TTLL7: variants seen among roughly 807,000 people sequenced by gnomAD.
The protein encoded by TTLL7 is tubulin polyglutamylase TTLL7.
A neutral mutation model predicts 120.2 loss-of-function variants in TTLL7; 53 were observed. The observed-to-expected ratio is 0.44, with a 90% confidence interval of 0.35 to 0.55. The LOEUF (loss-of-function observed/expected upper bound fraction) is 0.55, where lower values mean the gene tolerates loss of function less well. Among genes scored for constraint, TTLL7 ranks in the 20% least tolerant of loss-of-function variants. The probability of loss-of-function intolerance (pLI) is 0.00; values close to 1 mark genes in which losing one functional copy is unlikely to be tolerated. For missense variants in TTLL7, 803 were observed against 1,054.7 expected, an observed-to-expected ratio of 0.76 and a Z score of 3.31; for synonymous variants, 353 against 351.7, an observed-to-expected ratio of 1.00 and a Z score of -0.04.
intron 13 of TTLL7, among the ~76,000 whole-genome samples, chr1:83,919,459 A>T (rs1039147619): frequency 6.6e-6 from 1 of 152,192 alleles, no homozygotes; most frequent in Non-Finnish European, 1.5e-5. Context: ...ATACGTTATT[A>T]TAATATATTG....
chr1:83,947,150 T>C lies in TTLL7; in HGVS notation c.480A>G (p.Lys160=), dbSNP rs756174145. 1.2e-6 allele frequency: 2 copies of C among 1,612,568 alleles called. No homozygotes were observed. The highest frequency in any genetic ancestry group is 2.7e-5 in the African/African-American group (2 of 74,830). The change falls in exon 6 of 21, where the codon AAA becomes AAG. Residue 160 remains lysine (K), a synonymous_variant. Coordinates refer to ENST00000260505, the MANE Select transcript of TTLL7 (RefSeq NM_024686.6). ...KKRKQKTFIV[K]PANGAMGHGI... is the part of the protein sequence containing the mutation. ...CATGACCCATTGCACCATTAGCTGG[T>C]TTCACTATAAAAGTTTTCTGCTTCC...
chr1:83,876,212 T>C (rs938548742), intron 20 of TTLL7, among the ~76,000 whole-genome samples: 2 of 151,932 alleles, frequency 1.3e-5, no homozygotes, highest in African/African-American at 4.8e-5. Context: ...ACACCACTTT[T>C]GTCATAAATC....
chr1:83,936,627 T>C (rs987011143), intron 8 of TTLL7, among the ~76,000 whole-genome samples: 2 of 152,216 alleles, frequency 1.3e-5, no homozygotes, highest in Non-Finnish European at 2.9e-5. Flanking sequence ...ATTTCTCATT[T>C]ACATGCATTC....
intron 20 of TTLL7, among the ~76,000 whole-genome samples, chr1:83,878,546 C>G (rs549492046): frequency 6.6e-6 from 1 of 152,064 alleles, no homozygotes; most frequent in African/African-American, 2.4e-5. Context: ...GTCAAAAGCA[C>G]TGCTCAGCAC....
chr1:83,974,879 T>A (rs1651319420), intron 1 of TTLL7, among the ~76,000 whole-genome samples: 1 of 152,082 alleles, frequency 6.6e-6, no homozygotes, highest in South Asian at 2.1e-4. Flanking sequence ...ACAATCTCTA[T>A]TCTGGAGGCC....
At chr1:83,902,365 C>T (rs958388170) in intron 18 of TTLL7, 60 of 151,876 alleles carry the variant, frequency 4.0e-4, no homozygotes, top group African/African-American at 1.3e-3. Flanking sequence ...TGGTGTTTTG[C>T]TTTCCACTTT....
At chr1:83,895,228 T>TAA (rs1286730268) in intron 18 of TTLL7, among the ~76,000 whole-genome samples, 1 of 152,086 alleles carries the variant, frequency 6.6e-6, no homozygotes, top group Non-Finnish European at 1.5e-5. Context: ...ATCTTGATAA[T>TAA]AAAGTTACCA....
At chr1:83,947,071 C>A in intron 6 of TTLL7, 53 bp downstream of exon 6, 1 of 1,455,598 alleles carries the variant, frequency 6.9e-7, no homozygotes, top group Non-Finnish European at 9.2e-7. Context: ...TTTATTCTCC[C>A]CACTCCCAAA....
intron 20 of TTLL7, among the ~76,000 whole-genome samples, chr1:83,878,871 C>G (rs1015379561): frequency 1.3e-5 from 2 of 151,856 alleles, no homozygotes; most frequent in African/African-American, 4.8e-5. Flanking sequence ...GTGATAGATG[C>G]CATATACTCT....
At chr1:83,995,226 T>C (rs1653375088) in intron 1 of TTLL7, among the ~76,000 whole-genome samples, 2 of 151,970 alleles carry the variant, frequency 1.3e-5, no homozygotes, top group African/African-American at 4.8e-5. Context: ...ATAATCAACA[T>C]GTAAGTATTC....
chr1:83,990,224 G>A lies in TTLL7; in HGVS notation c.-177+8707C>T, dbSNP rs1173872230. On this transcript the variant is annotated intron_variant, in intron 1 of 20. Transcript: ENST00000260505. ...CGCTCTGTCGCCCAGGCCGGACTGCGGACTGCAGTGGCGCAATCTCGGCTC... is the reference window on the plus strand; with the variant it reads ...CGCTCTGTCGCCCAGGCCGGACTGCAGACTGCAGTGGCGCAATCTCGGCTC... 2.7e-5 allele frequency among the ~76,000 whole-genome samples: 4 copies of A among 145,586 alleles called. No homozygotes were observed. In the Admixed American group the frequency reaches 2.8e-4, roughly 10 times the overall value.
intron 1 of TTLL7, chr1:83,980,284 AT>A (rs1651836488): frequency 6.6e-6 from 1 of 152,138 alleles, no homozygotes; most frequent in African/African-American, 2.4e-5. Context: ...TGAGACAGGC[AT>A]TTGGAGCCAC....
intron 1 of TTLL7, among the ~76,000 whole-genome samples, chr1:83,995,574 C>T (rs1434265568): frequency 6.6e-6 from 1 of 152,134 alleles, no homozygotes. Context: ...GCTTCCAGTA[C>T]AGCCTGCAGA....
intron 14 of TTLL7, among the ~76,000 whole-genome samples, chr1:83,915,038 A>G (rs1035451833): frequency 6.6e-6 from 1 of 152,218 alleles, no homozygotes; most frequent in Non-Finnish European, 1.5e-5. Flanking sequence ...AGCAGGAGAA[A>G]GAAAGAAGGG....
intron 3 of TTLL7, among the ~76,000 whole-genome samples, chr1:83,950,580 T>C (rs1648950191): frequency 6.6e-6 from 1 of 152,222 alleles, no homozygotes. Context: ...GTTTCCTTTT[T>C]AGTACAAACT....
intron 20 of TTLL7, among the ~76,000 whole-genome samples, chr1:83,879,733 T>C (rs912959777): frequency 2.0e-5 from 3 of 152,098 alleles, no homozygotes; most frequent in Admixed American, 2.0e-4. Context: ...TGGGCAGGAA[T>C]GAAAATGTAT....
intron 14 of TTLL7, among the ~76,000 whole-genome samples, chr1:83,913,429 A>G (rs1394711577): frequency 6.6e-6 from 1 of 152,136 alleles, no homozygotes; most frequent in East Asian, 1.9e-4. Flanking sequence ...TAGATTCTCA[A>G]ATTGGTGGAA....
chr1:83,947,781 A>G (rs117966374), intron 5 of TTLL7, among the ~76,000 whole-genome samples: 5 of 152,130 alleles, frequency 3.3e-5, no homozygotes, highest in Admixed American at 3.3e-4. Flanking sequence ...TTTACAAATT[A>G]TCACACATAG....
Position 83,891,047 on chromosome 1 carries a change from A to AT in TTLL7, c.2209-567dup, listed in dbSNP as rs200749284. ...ATCTTAGTGGAAAGCATAGGTGAGTATTTTTTGGACCATGGGCTAGAAAAA... is the reference window on the plus strand; with the variant it reads ...ATCTTAGTGGAAAGCATAGGTGAGTATTTTTTTGGACCATGGGCTAGAAAAA... On this transcript the variant is annotated intron_variant, in intron 18 of 20. Coordinates refer to ENST00000260505, the MANE Select transcript of TTLL7 (RefSeq NM_024686.6). 7.2e-3 allele frequency among the ~76,000 whole-genome samples: 1,096 copies of AT among 152,158 alleles called. 20 individuals carry two copies. The highest frequency in any genetic ancestry group is 0.025 in the African/African-American group (1,048 of 41,558).
Sources: allele counts gnomAD v4.1 joint callset (sites outside exome capture counted in the v4.1 genomes callset), GRCh38; gene constraint gnomAD v4.1.1; transcripts MANE v1.5; gene names NCBI Gene and HGNC (gene_info 2026-07-23, HGNC 2026-07-21).